TRIM40: variants seen among roughly 807,000 people sequenced by gnomAD.
TRIM40 encodes the protein E3 ubiquitin ligase TRIM40.
A neutral mutation model predicts 26.1 loss-of-function variants in TRIM40; 27 were observed. The ratio of observed to expected loss-of-function variants is 1.04; its 90% confidence interval spans 0.76 to 1.43. The LOEUF is 1.43. Ranked by LOEUF, TRIM40 falls within the 40% of genes most tolerant of loss-of-function variation. TRIM40 has a pLI of 0.00. For missense variants in TRIM40, 289 were observed against 307.9 expected (o/e 0.94, Z 0.46); for synonymous variants, 114 against 120.0 (o/e 0.95, Z 0.33).
At chr6:30,144,458 G>T (rs1378279446) in intron 2 of TRIM40, among the ~76,000 whole-genome samples, 1 of 152,094 alleles carries the variant, frequency 6.6e-6, no homozygotes, top group Non-Finnish European at 1.5e-5. Context: ...AAAAAGATTT[G>T]GTTTTGGAAT....
intron 2 of TRIM40, among the ~76,000 whole-genome samples, chr6:30,139,100 C>A (rs1157827393): frequency 2.0e-5 from 3 of 152,242 alleles, no homozygotes; most frequent in Non-Finnish European, 4.4e-5. Context: ...GTAGAAAGTA[C>A]AAAGATGATT....
intron 2 of TRIM40, among the ~76,000 whole-genome samples, chr6:30,143,710 A>G (rs9261500): frequency 0.19 from 28,353 of 152,002 alleles, 3,048 homozygotes; most frequent in East Asian, 0.24. Context: ...TTCAATTCTA[A>G]TGAGTGTCTT....
intron 2 of TRIM40, among the ~76,000 whole-genome samples, chr6:30,138,535 T>C (rs1210160572): frequency 6.6e-6 from 1 of 152,238 alleles, no homozygotes; most frequent in African/African-American, 2.4e-5. Context: ...TTCTATTCTG[T>C]CTATGCTTGC....
At position 30,137,222 on chromosome 6, in the gene TRIM40, G is replaced by A; in HGVS notation, c.186G>A (p.Glu62=). 1 of 1,613,110 alleles carries A rather than the reference G, an allele frequency of 6.2e-7. No homozygotes were observed. Among genetic ancestry groups the A allele is most frequent in the Non-Finnish European group, 8.5e-7 (1 of 1,180,036 alleles). Residue 62 remains glutamate, a synonymous_variant, in exon 2 of 6, where the codon GAG becomes GAA. Transcript: ENST00000396581. The part of the protein sequence containing the change: ...CCPLCRKPCS[E]EVLGTGYICP... ...CCCTCTGCCGGAAGCCCTGTTCTGAGGAGGTGCTAGGGACAGGCTATATCT... is the reference window on the plus strand; with the variant it reads ...CCCTCTGCCGGAAGCCCTGTTCTGAAGAGGTGCTAGGGACAGGCTATATCT...
At chr6:30,146,873 C>T in intron 3 of TRIM40, 112 bp from the exon 4 acceptor site, 1 of 1,101,050 alleles carries the variant, frequency 9.1e-7, no homozygotes, top group Non-Finnish European at 1.3e-6. Context: ...GAGGCAACAC[C>T]ATGAGGGCAA....
chr6:30,137,871 T>A (rs1236239362), intron 2 of TRIM40, among the ~76,000 whole-genome samples: 2 of 152,222 alleles, frequency 1.3e-5, no homozygotes, highest in Non-Finnish European at 2.9e-5. Flanking sequence ...TGGCAATTAT[T>A]TTATCTTATT....
chr6:30,145,573 G>A (rs1441896051), intron 2 of TRIM40, among the ~76,000 whole-genome samples: 1 of 152,172 alleles, frequency 6.6e-6, no homozygotes, highest in African/African-American at 2.4e-5. Context: ...ATCCCAGTGA[G>A]GACCAGGCAG....
chr6:30,142,805 C>A (rs1307918983), intron 2 of TRIM40, among the ~76,000 whole-genome samples: 1 of 151,420 alleles, frequency 6.6e-6, no homozygotes, highest in African/African-American at 2.4e-5. Flanking sequence ...GTCCTTTCCA[C>A]ATTTACGTGT....
intron 3 of TRIM40, 28 bp from the exon 4 acceptor site, chr6:30,146,957 T>A: frequency 6.4e-7 from 1 of 1,554,746 alleles, no homozygotes. Context: ...CACCTGACAC[T>A]GAGTCTTAGG....
intron 3 of TRIM40, 89 bp downstream of exon 3, chr6:30,146,178 A>G (rs3815082): frequency 0.23 from 266,162 of 1,132,658 alleles, 33,034 homozygotes; most frequent in Admixed American, 0.26. Flanking sequence ...TGTCCCTGGA[A>G]CAGCCTGATG....
intron 2 of TRIM40, among the ~76,000 whole-genome samples, chr6:30,140,355 T>C (rs1771274070): frequency 6.6e-6 from 1 of 151,920 alleles, no homozygotes; most frequent in Admixed American, 6.5e-5. Flanking sequence ...ATAAAGAAAA[T>C]ATGGCACATA....
At chr6:30,144,387 G>T (rs1771525702) in intron 2 of TRIM40, among the ~76,000 whole-genome samples, 2 of 152,270 alleles carry the variant, frequency 1.3e-5, no homozygotes, top group East Asian at 1.9e-4. Context: ...ATTTTGAGCT[G>T]CCAACAGGGC....
chr6:30,139,709 G>A (rs1381209255), intron 2 of TRIM40, among the ~76,000 whole-genome samples: 1 of 152,188 alleles, frequency 6.6e-6, no homozygotes, highest in Non-Finnish European at 1.5e-5. Context: ...CATAGAGGAA[G>A]TGACCTTGAA....
intron 2 of TRIM40, among the ~76,000 whole-genome samples, chr6:30,142,985 G>T (rs1165641561): frequency 6.6e-6 from 1 of 151,720 alleles, no homozygotes; most frequent in Non-Finnish European, 1.5e-5. Context: ...TGATATTTTT[G>T]CTGTCTTTTA....
intron 2 of TRIM40, among the ~76,000 whole-genome samples, chr6:30,140,993 C>T (rs193022273): frequency 6.6e-6 from 1 of 152,202 alleles, no homozygotes; most frequent in East Asian, 1.9e-4. Context: ...ATATTTAAAT[C>T]CAAGAAAAGC....
intron 2 of TRIM40, among the ~76,000 whole-genome samples, chr6:30,141,568 T>A (rs938403917): frequency 3.3e-5 from 5 of 152,124 alleles, no homozygotes; most frequent in African/African-American, 1.2e-4. Context: ...ATAGATTGCA[T>A]TGAACAATGC....
At chr6:30,147,287 A>T (rs1771730033) in intron 4 of TRIM40, 78 bp downstream of exon 4, 2 of 1,532,476 alleles carry the variant, frequency 1.3e-6, no homozygotes, top group Non-Finnish European at 1.8e-6. Flanking sequence ...CCCTTCTGGG[A>T]GGTGTAAGAG....
Position 30,137,005 on chromosome 6 carries a change from A to C in TRIM40, c.-32A>C. On this transcript the variant is annotated 5_prime_UTR_variant, in exon 2 of 6. Transcript: ENST00000396581. ...AGACCAGTGAAGAAGGAGGCCCTGC[A>C]AACAGGAGGCTGACAGGGTAGGAAC... 6.3e-7 allele frequency: 1 copy of C among 1,592,724 alleles called. No homozygotes were observed. The highest frequency in any genetic ancestry group is 8.6e-7 in the Non-Finnish European group (1 of 1,166,978).
intron 2 of TRIM40, among the ~76,000 whole-genome samples, chr6:30,144,713 A>G (rs1771545407): frequency 6.6e-6 from 1 of 152,166 alleles, no homozygotes; most frequent in Admixed American, 6.5e-5. Context: ...ATGAGAAACA[A>G]GGCGGCTGGC....
Sources: gnomAD v4.1 joint callset for allele counts (sites outside exome capture counted in the v4.1 genomes callset) on GRCh38, gnomAD v4.1.1 for gene constraint, MANE v1.5 for transcripts, NCBI Gene and HGNC (gene_info 2026-07-23, HGNC 2026-07-21) for gene names.